The following BCLAF1 variants were observed in gnomAD, a reference collection of about 807,000 sequenced individuals.
The protein encoded by BCLAF1 is bcl-2-associated transcription factor 1.
In BCLAF1, 10 loss-of-function variants were observed where a neutral mutation model predicts 99.5. The observed-to-expected ratio is 0.10, with a 90% CI of 0.06 to 0.17. The LOEUF (loss-of-function observed/expected upper bound fraction) is 0.17, where lower values mean the gene tolerates loss of function less well. Ranked by LOEUF, BCLAF1 falls within the 10% of genes least tolerant of loss-of-function variation. The pLI, the probability that BCLAF1 is intolerant of heterozygous loss-of-function variation, is 1.00. For missense variants in BCLAF1, 636 were observed against 1,105.8 expected (o/e 0.58, Z 6.02); for synonymous variants, 255 against 370.9 (o/e 0.69, Z 3.59).
chr6:136,283,624 C>G (rs532589806), intron 1 of BCLAF1, among the ~76,000 whole-genome samples: 1 of 152,110 alleles, frequency 6.6e-6, no homozygotes. Context: ...TATACATCAG[C>G]ACTCAAAGAA....
At chr6:136,272,110 A>C (rs368717123) in intron 7 of BCLAF1, 31 bp from the exon 8 acceptor site, 26 of 1,470,588 alleles carry the variant, frequency 1.8e-5, no homozygotes, top group African/African-American at 1.4e-4. Context: ...ATTTTTAGTC[A>C]TATTATTAAC....
chr6:136,281,410 T>C (rs926312481), intron 2 of BCLAF1, among the ~76,000 whole-genome samples: 3 of 152,206 alleles, frequency 2.0e-5, no homozygotes, highest in African/African-American at 7.2e-5. Context: ...ATTTACAGCC[T>C]GTAAAGGAAG....
intron 1 of BCLAF1, among the ~76,000 whole-genome samples, chr6:136,284,337 A>C (rs1784829887): frequency 6.6e-6 from 1 of 151,964 alleles, no homozygotes; most frequent in Non-Finnish European, 1.5e-5. Context: ...CAATAACTCA[A>C]ATAATACACA....
chr6:136,287,509 A>T (rs890939124), intron 1 of BCLAF1, among the ~76,000 whole-genome samples: 7 of 152,204 alleles, frequency 4.6e-5, no homozygotes, highest in African/African-American at 1.7e-4. Flanking sequence ...ACAAGTACCC[A>T]GAGATTTTAG....
rs909743107 is a variant in BCLAF1, at chr6:136,260,881, A to G, written c.*229T>C. Reference sequence around the variant, plus strand: ...AAAACGTTAAAAGTTTTAAAAGTTGATAGTTACAAATATGGTACGTAACAA... The same window carrying G: ...AAAACGTTAAAAGTTTTAAAAGTTGGTAGTTACAAATATGGTACGTAACAA... On this transcript the variant is annotated 3_prime_UTR_variant, in exon 13 of 13. Coordinates refer to ENST00000531224, the MANE Select transcript of BCLAF1 (RefSeq NM_014739.3). 2 of 494,638 alleles carry G rather than the reference A, an allele frequency of 4.0e-6. No individual in the cohort carries two copies. The highest frequency in any genetic ancestry group is 7.2e-6 in the Non-Finnish European group (2 of 279,400). 30.6% of individuals were successfully genotyped at this position (494,638 alleles called of 1,614,324 possible).
Position 136,271,937 on chromosome 6 carries a change from A to G in BCLAF1, c.2043+58T>C, listed in dbSNP as rs985153361. The G allele has an allele frequency of 4.0e-6, 5 of 1,239,346 alleles. No individual in the cohort carries two copies. In the African/African-American group the frequency reaches 7.6e-5, roughly 19 times the overall value. The allele number at this position is 1,239,346 out of a possible 1,614,324, so 76.8% of individuals were successfully genotyped here. The stretch of plus-strand genomic sequence containing the variant: ...TTTGCCTTGAGAAACTATATTTGGT[A>G]CAATATCATTAACTAAGCTGAACTT... On this transcript the variant is annotated intron_variant, in intron 8 of 12. Coordinates refer to ENST00000531224, the MANE Select transcript of BCLAF1 (RefSeq NM_014739.3).
chr6:136,261,576 T>A, intron 11 of BCLAF1, 99 bp from the exon 12 acceptor site: 1 of 1,211,782 alleles, frequency 8.3e-7, no homozygotes, highest in Non-Finnish European at 1.2e-6. Context: ...GAAGATTGGG[T>A]ATATGAGATT....
rs1319893411 is a variant in BCLAF1, at chr6:136,259,635, T to C, written c.*1475A>G. On this transcript the variant is annotated 3_prime_UTR_variant, in exon 13 of 13. Transcript: ENST00000531224. The stretch of plus-strand genomic sequence containing the variant: ...ACATCACATATGTTGAGTTTGCTTT[T>C]AGTTTTGTTTCCAACAGTTCTTAAC... 1 of 152,044 alleles carries C rather than the reference T, an allele frequency of 6.6e-6. No individual in the cohort carries two copies. The highest frequency in any genetic ancestry group is 2.4e-5 in the African/African-American group (1 of 41,452). 9.4% of individuals were successfully genotyped at this position (152,044 alleles called of 1,614,324 possible). A position where few individuals can be genotyped will look rare whatever the true frequency, so the allele number is the denominator to read the frequency against.
chr6:136,289,484 C>A (rs1484758795), intron 1 of BCLAF1, among the ~76,000 whole-genome samples: 1 of 152,012 alleles, frequency 6.6e-6, no homozygotes, highest in African/African-American at 2.4e-5. Context: ...TTCGCAAACA[C>A]GCGCGCGCCC....
Position 136,260,990 on chromosome 6 carries a change from A to C in BCLAF1, c.*120T>G. ...TGAAGACTTAAAACAAAATTTCTAT[A>C]GACTACTTGCAAACAGTAAAATTTA... is the stretch of plus-strand genomic sequence containing the variant. On this transcript the variant is annotated 3_prime_UTR_variant, in exon 13 of 13. Transcript: ENST00000531224. 9.1e-7 allele frequency: 1 copy of C among 1,094,438 alleles called. No individual in the cohort carries two copies. The highest frequency in any genetic ancestry group is 1.6e-5 in the African/African-American group (1 of 61,536). The allele number at this position is 1,094,438 out of a possible 1,614,324, so 67.8% of individuals were successfully genotyped here.
chr6:136,282,381 C>A (rs902249026), intron 2 of BCLAF1, among the ~76,000 whole-genome samples: 2 of 152,090 alleles, frequency 1.3e-5, no homozygotes, highest in Middle Eastern at 3.4e-3. Context: ...AGCAGGAGCA[C>A]AACCTGGAAG....
Position 136,263,994 on chromosome 6 carries a change from C to T in BCLAF1, c.2545-2517G>A, listed in dbSNP as rs534278653. Among the ~76,000 whole-genome samples the T allele has an allele frequency of 7.2e-5, 11 of 152,292 alleles. No homozygotes were observed. The East Asian group carries it at 2.1e-3, about 29-fold the overall frequency. On this transcript the variant is annotated intron_variant, in intron 11 of 12. Coordinates refer to ENST00000531224, the MANE Select transcript of BCLAF1 (RefSeq NM_014739.3). ...ACAAACAAGACTTTCAGAACCCTGA[C>T]TCTGGAGCCCAATGCATAAATCCTG...
At chr6:136,266,074 T>C (rs1214266377) in intron 11 of BCLAF1, among the ~76,000 whole-genome samples, 1 of 151,890 alleles carries the variant, frequency 6.6e-6, no homozygotes, top group Non-Finnish European at 1.5e-5. Context: ...GTCATTAACA[T>C]GCCAAAAAAG....
At chr6:136,286,989 C>A (rs1785226131) in intron 1 of BCLAF1, among the ~76,000 whole-genome samples, 1 of 151,144 alleles carries the variant, frequency 6.6e-6, no homozygotes, top group Non-Finnish European at 1.5e-5. Flanking sequence ...AACTAGCCGG[C>A]CTTTGTGGTG....
chr6:136,276,534 G>GT, intron 4 of BCLAF1, 26 bp from the exon 5 acceptor site: 1 of 1,563,818 alleles, frequency 6.4e-7, no homozygotes, highest in African/African-American at 1.4e-5. Flanking sequence ...GAAGAGGATA[G>GT]TAACTCTGGA....
At chr6:136,270,483 C>T (rs1012511101) in intron 8 of BCLAF1, 1 of 151,764 alleles carries the variant, frequency 6.6e-6, no homozygotes, top group African/African-American at 2.4e-5. Context: ...GGAAGTCTGG[C>T]TATAATATTC....
Position 136,259,817 on chromosome 6 carries a change from A to C in BCLAF1, c.*1293T>G, listed in dbSNP as rs1019320731. 2 of 152,100 alleles carry C rather than the reference A, an allele frequency of 1.3e-5. No homozygotes were observed. The highest frequency in any genetic ancestry group is 2.9e-5 in the Non-Finnish European group (2 of 67,930). The allele number at this position is 152,100 out of a possible 1,614,324, so 9.4% of individuals were successfully genotyped here. Reference sequence around the variant, plus strand: ...ACACACACAACTAAATTAACAAATGAAATGTGTCTACTTTTATATATGCCC... The same window carrying C: ...ACACACACAACTAAATTAACAAATGCAATGTGTCTACTTTTATATATGCCC... On this transcript the variant is annotated 3_prime_UTR_variant, in exon 13 of 13. Coordinates refer to ENST00000531224, the MANE Select transcript of BCLAF1 (RefSeq NM_014739.3).
chr6:136,273,885 A>G (rs929887482), intron 6 of BCLAF1: 2 of 802,990 alleles, frequency 2.5e-6, no homozygotes, highest in Non-Finnish European at 3.2e-6. Flanking sequence ...AGACGTATAA[A>G]GTCATGAGCT....
Position 136,260,339 on chromosome 6 carries a change from C to A in BCLAF1, c.*771G>T, listed in dbSNP as rs1012311029. ...ATTGTTACAAACCAGTTTCCTCTCA[C>A]AAATAGCTAATATCTAAGACCATGA... On this transcript the variant is annotated 3_prime_UTR_variant, in exon 13 of 13. Coordinates refer to ENST00000531224, the MANE Select transcript of BCLAF1 (RefSeq NM_014739.3). 3.3e-5 allele frequency: 5 copies of A among 151,940 alleles called. No individual in the cohort carries two copies. The highest frequency in any genetic ancestry group is 1.2e-4 in the African/African-American group (5 of 41,402). 9.4% of individuals were successfully genotyped at this position (151,940 alleles called of 1,614,324 possible).
Sources: gnomAD v4.1 joint callset for allele counts (sites outside exome capture counted in the v4.1 genomes callset) on GRCh38, gnomAD v4.1.1 for gene constraint, MANE v1.5 for transcripts, NCBI Gene and HGNC (gene_info 2026-07-23, HGNC 2026-07-21) for gene names.